The following FASTKD5 variants were observed in gnomAD, a reference collection of about 807,000 sequenced individuals.
The protein encoded by FASTKD5 is non-canonical pre-mRNAs endonuclease FASTKD5, mitochondrial.
In FASTKD5, 30 loss-of-function variants were observed where a neutral mutation model predicts 44.0. That is an observed-to-expected ratio of 0.68 (90% CI 0.51 to 0.93). FASTKD5 has a LOEUF of 0.93. Ranked by LOEUF, FASTKD5 falls within the 40% of genes least tolerant of loss-of-function variation. The pLI is 0.00. For synonymous variants in FASTKD5, 335 were observed against 342.2 expected (o/e 0.98, Z 0.23); for missense variants, 868 against 908.2 (o/e 0.96, Z 0.57).
Position 3,148,062 on chromosome 20 carries a change from T to A in FASTKD5, c.1009A>T (p.Met337Leu), listed in dbSNP as rs763962639. Reference sequence around the variant, plus strand: ...CAAGCCAAGTCTCCAATTTTCCGCATGACAAATTCAGAGAGATTAGTACTT... The same window carrying A: ...CAAGCCAAGTCTCCAATTTTCCGCAAGACAAATTCAGAGAGATTAGTACTT... ...KSSTNLSEFV[M>L]RKIGDLACAN... is the part of the protein sequence containing the mutation. Residue 337 changes from methionine to leucine, a missense_variant, in exon 2 of 2, where the codon ATG becomes TTG. Met to Leu is a conservative substitution (Grantham distance 15). Coordinates refer to ENST00000380266, the MANE Select transcript of FASTKD5 (RefSeq NM_021826.5). 6.2e-7 allele frequency: 1 copy of A among 1,614,212 alleles called. No individual in the cohort carries two copies. The highest frequency in any genetic ancestry group is 8.5e-7 in the Non-Finnish European group (1 of 1,180,048).
chr20:3,156,579 A>G (rs1005736200), intron 1 of FASTKD5: 7 of 152,174 alleles, frequency 4.6e-5, no homozygotes, highest in Non-Finnish European at 1.0e-4. Context: ...AGGGGTCCTA[A>G]CGAAACAGAG....
intron 1 of FASTKD5, chr20:3,151,751 T>A (rs189766104): frequency 1.3e-5 from 2 of 152,144 alleles, no homozygotes; most frequent in African/African-American, 2.4e-5. Flanking sequence ...ATTACAGTCC[T>A]CAAAATAGTC....
chr20:3,152,182 T>G (rs2422859), intron 1 of FASTKD5, among the ~76,000 whole-genome samples: 60,882 of 150,872 alleles, frequency 0.4, 14,096 homozygotes, highest in East Asian at 0.56. Flanking sequence ...ACAGGGCTTT[T>G]AAGAAGACCT....
intron 1 of FASTKD5, among the ~76,000 whole-genome samples, chr20:3,153,767 C>A (rs565258483): frequency 1.8e-4 from 28 of 152,284 alleles, no homozygotes; most frequent in Non-Finnish European, 3.5e-4. Context: ...ATCCCTTGTC[C>A]AAAATGCTTG....
rs767101686 is a variant in FASTKD5, at chr20:3,148,975, A to T, written c.96T>A (p.Asn32Lys). 1 of 1,614,222 alleles carries T rather than the reference A, an allele frequency of 6.2e-7. No homozygotes were observed. The highest frequency in any genetic ancestry group is 1.3e-5 in the African/African-American group (1 of 75,056). ...GTCCCCCATGCTGTGTGCTGCTCACATTCCAGTATGACACACTTCGGACTG... is the reference window on the plus strand; with the variant it reads ...GTCCCCCATGCTGTGTGCTGCTCACTTTCCAGTATGACACACTTCGGACTG... ...FGAVRSVSYWNVSSTQHGGQD... is the reference protein window; with the variant it reads ...FGAVRSVSYWKVSSTQHGGQD... The change falls in exon 2 of 2, where the codon AAT (asparagine) becomes AAA (lysine). Residue 32 changes from asparagine to lysine, a missense_variant. Asn to Lys is a moderately conservative substitution (Grantham distance 94). Coordinates refer to ENST00000380266, the MANE Select transcript of FASTKD5 (RefSeq NM_021826.5).
intron 1 of FASTKD5, among the ~76,000 whole-genome samples, chr20:3,156,062 C>T (rs1327599234): frequency 6.6e-6 from 1 of 151,902 alleles, no homozygotes; most frequent in Non-Finnish European, 1.5e-5. Flanking sequence ...GACCAGATAG[C>T]GAAAACATAC....
In FASTKD5 at chr20:3,146,694, A is replaced by G; in HGVS notation, c.*82T>C. On this transcript the variant is annotated 3_prime_UTR_variant, in exon 2 of 2. Coordinates refer to ENST00000380266, the MANE Select transcript of FASTKD5 (RefSeq NM_021826.5). Reference sequence around the variant, plus strand: ...CACACTATTTTATCGCCAAACTTACATTCTGGCTTTTATAATCATTTTGCA... The same window carrying G: ...CACACTATTTTATCGCCAAACTTACGTTCTGGCTTTTATAATCATTTTGCA... 1.3e-6 allele frequency: 2 copies of G among 1,488,588 alleles called. No individual in the cohort carries two copies. The highest frequency in any genetic ancestry group is 1.8e-6 in the Non-Finnish European group (2 of 1,106,298). 92.2% of individuals were successfully genotyped at this position (1,488,588 alleles called of 1,614,324 possible).
intron 1 of FASTKD5, among the ~76,000 whole-genome samples, chr20:3,158,706 C>T (rs1262710272): frequency 6.6e-6 from 1 of 151,874 alleles, no homozygotes; most frequent in Non-Finnish European, 1.5e-5. Flanking sequence ...GATCTCCTGA[C>T]CTCGTGATCC....
At position 3,148,758 on chromosome 20, in the gene FASTKD5, C is replaced by T. The variant is rs2066594530; in HGVS notation, c.313G>A (p.Asp105Asn). 3 of 1,614,138 alleles carry T rather than the reference C, an allele frequency of 1.9e-6. No individual in the cohort carries two copies. Among genetic ancestry groups the T allele is most frequent in the Non-Finnish European group, 1.7e-6 (2 of 1,180,060 alleles). Reference sequence around the variant, plus strand: ...TCAAAGGAATCAAACACTTCTACGTCCTCTTCATCAACTCCTGTGGCCCTG... The same window carrying T: ...TCAAAGGAATCAAACACTTCTACGTTCTCTTCATCAACTCCTGTGGCCCTG... ...SPRATGVDEE[D>N]VEVFDSFENM... The change falls in exon 2 of 2, where the codon GAC becomes AAC. Residue 105 changes from aspartate to asparagine, a missense_variant. Coordinates refer to ENST00000380266, the MANE Select transcript of FASTKD5 (RefSeq NM_021826.5).
In FASTKD5 at chr20:3,146,619, GTAACATACAC is replaced by G. The variant is rs1172017876; in HGVS notation, c.*147_*156del. On this transcript the variant is annotated 3_prime_UTR_variant, in exon 2 of 2. Coordinates refer to ENST00000380266, the MANE Select transcript of FASTKD5 (RefSeq NM_021826.5). ...CAATCCAACTACATTACAATTCACA[GTAACATACAC>G]TAGCTCTAACCTGCCTTGGATACAA... The G allele has an allele frequency of 2.1e-5, 16 of 776,340 alleles. No individual in the cohort carries two copies. In the East Asian group the frequency reaches 3.5e-4, roughly 17 times the overall value. 48.1% of individuals were successfully genotyped at this position (776,340 alleles called of 1,614,324 possible). A position where few individuals can be genotyped will look rare whatever the true frequency, so the allele number is the denominator to read the frequency against.
rs1022616871 is a variant in FASTKD5, at chr20:3,159,814, G to A, written c.-239C>T. 1 of 152,264 alleles carries A rather than the reference G, an allele frequency of 6.6e-6. No homozygotes were observed. The highest frequency in any genetic ancestry group is 2.4e-5 in the African/African-American group (1 of 41,462). The allele number at this position is 152,264 out of a possible 1,614,324, so 9.4% of individuals were successfully genotyped here. On this transcript the variant is annotated 5_prime_UTR_variant, in exon 1 of 2. Transcript: ENST00000380266. Reference sequence around the variant, plus strand: ...CGCAACACCAAACCGGGGACGCCGCGGGCGGCGGCGACACAGATACTGGCT... The same window carrying A: ...CGCAACACCAAACCGGGGACGCCGCAGGCGGCGGCGACACAGATACTGGCT...
At chr20:3,157,465 CTT>C (rs1555765737) in intron 1 of FASTKD5, among the ~76,000 whole-genome samples, 1 of 152,204 alleles carries the variant, frequency 6.6e-6, no homozygotes, top group Non-Finnish European at 1.5e-5. Context: ...ATTTGTGAAA[CTT>C]TTTCAGCTAC....
Position 3,147,671 on chromosome 20 carries a change from T to A in FASTKD5, c.1400A>T (p.Gln467Leu), listed in dbSNP as rs374979965. 3 of 1,614,124 alleles carry A rather than the reference T, an allele frequency of 1.9e-6. No homozygotes were observed. The highest frequency in any genetic ancestry group is 2.5e-6 in the Non-Finnish European group (3 of 1,180,042). Residue 467 changes from glutamine (Q) to leucine (L), a missense_variant, in exon 2 of 2, where the codon CAG (glutamine) becomes CTG (leucine). Transcript: ENST00000380266. ...GCAGGTGGGCAGGTGTTCTGGGTAC[T>A]GGTTGAATTCAGGCATCTTTCTGTG... ...EIHRKMPEFN[Q>L]YPEHLPTCLL...
intron 1 of FASTKD5, among the ~76,000 whole-genome samples, chr20:3,152,691 T>C (rs1436475009): frequency 2.0e-5 from 3 of 152,044 alleles, no homozygotes. Flanking sequence ...GCGGACCACT[T>C]GAGGACAGGA....
chr20:3,156,361 T>G (rs1268826279), intron 1 of FASTKD5, among the ~76,000 whole-genome samples: 1 of 151,962 alleles, frequency 6.6e-6, no homozygotes, highest in Non-Finnish European at 1.5e-5. Flanking sequence ...TATTTTTTGG[T>G]AGAGACGGGG....
At chr20:3,151,962 A>T (rs941596784) in intron 1 of FASTKD5, 2 of 151,650 alleles carry the variant, frequency 1.3e-5, no homozygotes, top group African/African-American at 4.8e-5. Context: ...AAAATTAGCC[A>T]GGTGTGGTGG....
chr20:3,147,755 G>A lies in FASTKD5; in HGVS notation c.1316C>T (p.Thr439Ile). 6.2e-7 allele frequency: 1 copy of A among 1,614,226 alleles called. No individual in the cohort carries two copies. ...TGCATTGGGTGGCTTATAATTCAGAGTTCCAAATGACCACAGAATCTTGGC... is the reference window on the plus strand; with the variant it reads ...TGCATTGGGTGGCTTATAATTCAGAATTCCAAATGACCACAGAATCTTGGC... ...DVAKILWSFGTLNYKPPNAEE... is the reference protein window; with the variant it reads ...DVAKILWSFGILNYKPPNAEE... Residue 439 changes from threonine (T) to isoleucine (I), a missense_variant, in exon 2 of 2, where the codon ACT (threonine) becomes ATT (isoleucine). Coordinates refer to ENST00000380266, the MANE Select transcript of FASTKD5 (RefSeq NM_021826.5).
chr20:3,147,067 G>T lies in FASTKD5; in HGVS notation c.2004C>A (p.Phe668Leu). The T allele has an allele frequency of 6.2e-7, 1 of 1,614,204 alleles. No individual in the cohort carries two copies. Among genetic ancestry groups the T allele is most frequent in the Non-Finnish European group, 8.5e-7 (1 of 1,180,050 alleles). ...ENKAAVPLGGFLCNVADKSGA... is the reference protein window; with the variant it reads ...ENKAAVPLGGLLCNVADKSGA... ...CTGATTTATCTGCTACATTGCAAAG[G>T]AAGCCCCCCAGAGGTACAGCTGCCT... Residue 668 changes from phenylalanine to leucine, a missense_variant, in exon 2 of 2, where the codon TTC (phenylalanine) becomes TTA (leucine). Phe to Leu is a conservative substitution (Grantham distance 22). Coordinates refer to ENST00000380266, the MANE Select transcript of FASTKD5 (RefSeq NM_021826.5).
chr20:3,154,655 CAGAG>C (rs1017677607), intron 1 of FASTKD5, among the ~76,000 whole-genome samples: 1 of 151,876 alleles, frequency 6.6e-6, no homozygotes, highest in Non-Finnish European at 1.5e-5. Flanking sequence ...GGCAGGGTGA[CAGAG>C]AGAGACCCTA....
Sources: gnomAD v4.1 joint callset for allele counts (sites outside exome capture counted in the v4.1 genomes callset) on GRCh38, gnomAD v4.1.1 for gene constraint, MANE v1.5 for transcripts, NCBI Gene and HGNC (gene_info 2026-07-23, HGNC 2026-07-21) for gene names.